ANK2: variants seen among roughly 807,000 people sequenced by gnomAD.
The protein encoded by ANK2 is ankyrin 2.
Under a neutral mutation model 360.5 loss-of-function variants are expected in ANK2, and 83 were observed. That is an observed-to-expected ratio of 0.23 (90% CI 0.19 to 0.28). The LOEUF (loss-of-function observed/expected upper bound fraction) is 0.28, where lower values mean the gene tolerates loss of function less well. Among genes scored for constraint, ANK2 ranks in the 10% least tolerant of loss-of-function variants. The pLI, the probability that ANK2 is intolerant of heterozygous loss-of-function variation, is 1.00. For synonymous variants in ANK2, 1,740 were observed against 1,759.5 expected (o/e 0.99, Z 0.28); for missense variants, 4,201 against 4,795.7 (o/e 0.88, Z 3.66).
At chr4:112,933,489 C>T (rs936351930) in intron 2 of ANK2, among the ~76,000 whole-genome samples, 10 of 151,302 alleles carry the variant, frequency 6.6e-5, no homozygotes, top group African/African-American at 2.4e-4. Context: ...CTGTGAGGAT[C>T]AGACAGTCTA....
Position 113,353,571 on chromosome 4 carries a change from C to T in ANK2, c.4953C>T (p.Pro1651=). ...TDDLNTCVPL[P]KEQLQTVQDK... is the part of the protein sequence containing the mutation. Reference sequence around the variant, plus strand: ...ATCTGAATACCTGTGTGCCTCTTCCCAAAGAGCAGCTGCAGACAGTTCAAG... The same window carrying T: ...ATCTGAATACCTGTGTGCCTCTTCCTAAAGAGCAGCTGCAGACAGTTCAAG... Residue 1651 remains proline (P), a synonymous_variant, in exon 38 of 46, where the codon CCC becomes CCT. Coordinates refer to ENST00000357077, the MANE Select transcript of ANK2 (RefSeq NM_001148.6). The T allele has an allele frequency of 6.2e-7, 1 of 1,613,904 alleles. No homozygotes were observed. The highest frequency in any genetic ancestry group is 8.5e-7 in the Non-Finnish European group (1 of 1,179,946).
intron 2 of ANK2, among the ~76,000 whole-genome samples, chr4:112,911,716 A>G (rs2087506899): frequency 1.3e-5 from 2 of 152,162 alleles, no homozygotes; most frequent in South Asian, 2.1e-4. Context: ...TGCTCTATAT[A>G]TTTTGTCAGG....
chr4:113,206,613 ACTGG>A (rs778715347), intron 4 of ANK2, among the ~76,000 whole-genome samples: 4 of 151,834 alleles, frequency 2.6e-5, no homozygotes, highest in Non-Finnish European at 5.9e-5. Flanking sequence ...AAATCAGGCC[ACTGG>A]GTGATTACAA....
chr4:113,225,253 C>T (rs1435766973), intron 4 of ANK2, among the ~76,000 whole-genome samples: 1 of 152,074 alleles, frequency 6.6e-6, no homozygotes, highest in Non-Finnish European at 1.5e-5. Flanking sequence ...ATTCCAGCAG[C>T]ATTTTATTCA....
intron 1 of ANK2, among the ~76,000 whole-genome samples, chr4:113,167,919 A>G (rs2097804645): frequency 6.6e-6 from 1 of 152,208 alleles, no homozygotes. Context: ...TTGATGGTGC[A>G]TATAGATATG....
At chr4:112,867,502 T>C (rs2071093283) in intron 1 of ANK2, among the ~76,000 whole-genome samples, 1 of 152,192 alleles carries the variant, frequency 6.6e-6, no homozygotes, top group African/African-American at 2.4e-5. Context: ...ACCATTACTA[T>C]CTATTATGAT....
At chr4:113,221,658 C>CAA (rs60808406) in intron 4 of ANK2, among the ~76,000 whole-genome samples, 1 of 127,894 alleles carries the variant, frequency 7.8e-6, no homozygotes, top group African/African-American at 2.9e-5. Flanking sequence ...GACTCCACTT[C>CAA]AAAAAAAAAA....
chr4:112,708,896 T>TA, the ANK2 span, among the ~76,000 whole-genome samples: 1 of 152,240 alleles, frequency 6.6e-6, no homozygotes, highest in South Asian at 2.1e-4. Context: ...TATCACAAGC[T>TA]ATATATGTTA....
chr4:113,136,768 T>G (rs1473005869), intron 1 of ANK2, among the ~76,000 whole-genome samples: 2 of 151,334 alleles, frequency 1.3e-5, no homozygotes, highest in Non-Finnish European at 3.0e-5. Context: ...TGGCTTTTTT[T>G]TTTTTTTTGA....
the ANK2 span, among the ~76,000 whole-genome samples, chr4:112,728,311 A>G: frequency 2.7e-5 from 4 of 150,714 alleles, no homozygotes; most frequent in South Asian, 2.1e-4. Context: ...AAAAAAAAAA[A>G]AAAAAAAAAG....
At chr4:113,024,905 G>T (rs939172522) in intron 2 of ANK2, among the ~76,000 whole-genome samples, 2 of 152,048 alleles carry the variant, frequency 1.3e-5, no homozygotes, top group Non-Finnish European at 2.9e-5. Context: ...ATAAAAAGAA[G>T]TCTGTCTTTA....
intron 22 of ANK2, among the ~76,000 whole-genome samples, chr4:113,296,238 T>C (rs995547560): frequency 6.6e-6 from 1 of 152,196 alleles, no homozygotes; most frequent in Non-Finnish European, 1.5e-5. Context: ...TAAATAGTGC[T>C]CTTTATTGAT....
chr4:113,256,025 T>G, intron 11 of ANK2, 93 bp downstream of exon 11: 1 of 1,423,340 alleles, frequency 7.0e-7, no homozygotes. Context: ...CAATGCAAGG[T>G]TACAGATATG....
intron 1 of ANK2, among the ~76,000 whole-genome samples, chr4:113,129,707 C>G (rs575501243): frequency 6.6e-6 from 1 of 152,156 alleles, no homozygotes; most frequent in African/African-American, 2.4e-5. Context: ...CTTTATTAAC[C>G]ATATGTCTGC....
the ANK2 span, among the ~76,000 whole-genome samples, chr4:112,771,545 T>C: frequency 1.3e-5 from 2 of 151,458 alleles, no homozygotes; most frequent in Non-Finnish European, 2.9e-5. Flanking sequence ...AGAAATATAA[T>C]AGGAGGACAA....
chr4:113,364,822 T>C (rs1351849556), intron 40 of ANK2, among the ~76,000 whole-genome samples: 1 of 152,258 alleles, frequency 6.6e-6, no homozygotes, highest in African/African-American at 2.4e-5. Flanking sequence ...TCCTGTATGT[T>C]ATCTGACAAT....
At chr4:112,961,404 T>A (rs957741017) in intron 2 of ANK2, among the ~76,000 whole-genome samples, 24 of 152,192 alleles carry the variant, frequency 1.6e-4, no homozygotes, top group African/African-American at 5.8e-4. Flanking sequence ...AGAACCTTTC[T>A]TTATTTCAAA....
the ANK2 span, among the ~76,000 whole-genome samples, chr4:112,801,342 C>G: frequency 6.6e-6 from 1 of 152,178 alleles, no homozygotes; most frequent in Non-Finnish European, 1.5e-5. Flanking sequence ...GTGCTTTGCT[C>G]CTGAGGATCT....
chr4:112,811,728 T>G, the ANK2 span, among the ~76,000 whole-genome samples: 1 of 152,196 alleles, frequency 6.6e-6, no homozygotes, highest in African/African-American at 2.4e-5. Context: ...TGTTAGTGTT[T>G]TTGCTTTCAT....
Sources: gnomAD v4.1 joint callset for allele counts (sites outside exome capture counted in the v4.1 genomes callset) on GRCh38, gnomAD v4.1.1 for gene constraint, MANE v1.5 for transcripts, NCBI Gene and HGNC (gene_info 2026-07-23, HGNC 2026-07-21) for gene names.